ADARB2: variants seen among roughly 807,000 people sequenced by gnomAD.
ADARB2 encodes inactive double-stranded RNA-specific editase B2.
Under a neutral mutation model 62.2 loss-of-function variants are expected in ADARB2, and 25 were observed. The observed-to-expected ratio is 0.40, with a 90% CI of 0.29 to 0.56. The LOEUF (loss-of-function observed/expected upper bound fraction) is 0.56, where lower values mean the gene tolerates loss of function less well. ADARB2 is among the 20% of genes least tolerant of loss of function. ADARB2 has a pLI of 0.43. For missense variants in ADARB2, 1,071 were observed against 1,077.4 expected, an observed-to-expected ratio of 0.99 and a Z score of 0.08; for synonymous variants, 572 against 500.8, an observed-to-expected ratio of 1.14 and a Z score of -1.90.
At chr10:1,449,891 G>C (rs1225720748) in intron 1 of ADARB2, among the ~76,000 whole-genome samples, 1 of 152,240 alleles carries the variant, frequency 6.6e-6, no homozygotes, top group Admixed American at 6.5e-5. Context: ...GAGTAGAAAA[G>C]AAAACATCTG....
intron 7 of ADARB2, 94 bp from the exon 8 acceptor site, chr10:1,200,241 T>A: frequency 6.7e-7 from 1 of 1,498,642 alleles, no homozygotes; most frequent in Non-Finnish European, 9.1e-7. Flanking sequence ...TGAGGACCTG[T>A]CAGTCTTCCC....
chr10:1,523,571 G>T (rs1406561408), intron 1 of ADARB2, among the ~76,000 whole-genome samples: 3 of 152,128 alleles, frequency 2.0e-5, no homozygotes, highest in Admixed American at 1.3e-4. Flanking sequence ...TTTTGACCAT[G>T]AGCCTGTTCC....
chr10:1,540,322 T>C (rs1832399806), intron 1 of ADARB2, among the ~76,000 whole-genome samples: 1 of 143,900 alleles, frequency 6.9e-6, no homozygotes, highest in African/African-American at 2.5e-5. Context: ...ACTCAGTCTA[T>C]GCCACCGAGG....
At chr10:1,721,509 A>G (rs927372481) in intron 1 of ADARB2, among the ~76,000 whole-genome samples, 2 of 148,244 alleles carry the variant, frequency 1.3e-5, no homozygotes, top group African/African-American at 5.3e-5. Flanking sequence ...GTGCAAAGAC[A>G]CACACACGCT....
chr10:1,416,212 C>T (rs977176632), intron 1 of ADARB2, among the ~76,000 whole-genome samples: 1 of 152,240 alleles, frequency 6.6e-6, no homozygotes, highest in African/African-American at 2.4e-5. Context: ...TATTCACACA[C>T]ACACAGATAT....
intron 5 of ADARB2, among the ~76,000 whole-genome samples, chr10:1,241,775 C>T (rs1454402436): frequency 1.3e-5 from 2 of 152,192 alleles, no homozygotes; most frequent in African/African-American, 2.4e-5. Context: ...ACTGCACTCA[C>T]GTTCTCTGAG....
intron 1 of ADARB2, among the ~76,000 whole-genome samples, chr10:1,664,972 G>A (rs553990722): frequency 6.6e-6 from 1 of 152,270 alleles, no homozygotes; most frequent in South Asian, 2.1e-4. Flanking sequence ...CCACAGAACC[G>A]AAAGAAAGAA....
At chr10:1,715,350 T>C (rs1208694307) in intron 1 of ADARB2, among the ~76,000 whole-genome samples, 3 of 152,214 alleles carry the variant, frequency 2.0e-5, no homozygotes, top group African/African-American at 7.2e-5. Flanking sequence ...TGAAATTCTT[T>C]TTGGAAATAA....
intron 1 of ADARB2, among the ~76,000 whole-genome samples, chr10:1,530,482 G>T (rs1011838027): frequency 6.6e-6 from 1 of 152,138 alleles, no homozygotes; most frequent in African/African-American, 2.4e-5. Context: ...CTCTCTGCAC[G>T]GCCACTGCTT....
chr10:1,501,910 G>A (rs1473937725), intron 1 of ADARB2, among the ~76,000 whole-genome samples: 2 of 152,216 alleles, frequency 1.3e-5, no homozygotes, highest in Non-Finnish European at 2.9e-5. Flanking sequence ...ACAGGATTAA[G>A]GTTTTATTCT....
At chr10:1,479,271 G>A (rs909442378) in intron 1 of ADARB2, among the ~76,000 whole-genome samples, 2 of 152,208 alleles carry the variant, frequency 1.3e-5, no homozygotes, top group Admixed American at 6.5e-5. Context: ...CCCAGGCAAG[G>A]CAGCAGCCAC....
chr10:1,394,671 C>T (rs182597318), intron 1 of ADARB2, among the ~76,000 whole-genome samples: 138 of 152,262 alleles, frequency 9.1e-4, no homozygotes, highest in African/African-American at 3.2e-3. Flanking sequence ...CAAGTCAGGC[C>T]CACTGGGCTC....
intron 1 of ADARB2, among the ~76,000 whole-genome samples, chr10:1,715,730 G>A (rs1040943448): frequency 2.6e-5 from 4 of 152,240 alleles, no homozygotes; most frequent in Admixed American, 2.6e-4. Context: ...GAAGTACACA[G>A]AGCACTCCTG....
At chr10:1,482,859 C>G (rs1831490705) in intron 1 of ADARB2, among the ~76,000 whole-genome samples, 1 of 151,954 alleles carries the variant, frequency 6.6e-6, no homozygotes, top group African/African-American at 2.4e-5. Flanking sequence ...AGACATTGTT[C>G]CCTATGAATA....
chr10:1,608,007 T>TG (rs1833515495), intron 1 of ADARB2, among the ~76,000 whole-genome samples: 1 of 152,152 alleles, frequency 6.6e-6, no homozygotes, highest in Non-Finnish European at 1.5e-5. Flanking sequence ...CCCTGTCCCA[T>TG]GGGGGGCCAA....
chr10:1,227,670 G>C (rs1830760313), intron 6 of ADARB2, among the ~76,000 whole-genome samples: 1 of 152,166 alleles, frequency 6.6e-6, no homozygotes, highest in Non-Finnish European at 1.5e-5. Flanking sequence ...TTGTCCCCTG[G>C]GGAGCTAAAG....
intron 1 of ADARB2, among the ~76,000 whole-genome samples, chr10:1,712,032 A>C (rs1189439862): frequency 2.0e-5 from 3 of 152,254 alleles, no homozygotes; most frequent in Non-Finnish European, 4.4e-5. Flanking sequence ...CCAAATGCTC[A>C]TAATTTTAGT....
chr10:1,650,725 A>G (rs1300157631), intron 1 of ADARB2, among the ~76,000 whole-genome samples: 1 of 152,216 alleles, frequency 6.6e-6, no homozygotes, highest in Non-Finnish European at 1.5e-5. Context: ...CGCCCACTGC[A>G]GTCCCGGATA....
At chr10:1,429,250 T>G (rs572344623) in intron 1 of ADARB2, among the ~76,000 whole-genome samples, 11 of 152,314 alleles carry the variant, frequency 7.2e-5, no homozygotes, top group African/African-American at 2.6e-4. Flanking sequence ...GTTATATGAG[T>G]TTTATGTTTG....
Sources: gnomAD v4.1 joint callset for allele counts (sites outside exome capture counted in the v4.1 genomes callset) on GRCh38, gnomAD v4.1.1 for gene constraint, MANE v1.5 for transcripts, NCBI Gene and HGNC (gene_info 2026-07-23, HGNC 2026-07-21) for gene names.